Variants in SHANK2 observed in about 807,000 individuals in gnomAD.
The protein encoded by SHANK2 is SH3 and multiple ankyrin repeat domains protein 2.
In SHANK2, 43 loss-of-function variants were observed where a neutral mutation model predicts 133.7. That is an observed-to-expected ratio of 0.32 (90% CI 0.25 to 0.41). The LOEUF (loss-of-function observed/expected upper bound fraction) is 0.41. SHANK2 is among the 10% of genes least tolerant of loss of function. SHANK2 has a pLI of 1.00. For synonymous variants in SHANK2, 1,017 were observed against 952.8 expected (o/e 1.07, Z -1.24); for missense variants, 1,994 against 2,235.8 (o/e 0.89, Z 2.18).
chr11:70,918,311 T>C (rs1424451075), intron 10 of SHANK2, among the ~76,000 whole-genome samples: 2 of 152,152 alleles, frequency 1.3e-5, no homozygotes. Context: ...AAGTCAGACG[T>C]GTACCCTCTC....
At chr11:71,059,468 G>C (rs1395974475) in intron 9 of SHANK2, among the ~76,000 whole-genome samples, 4 of 152,196 alleles carry the variant, frequency 2.6e-5, no homozygotes, top group Non-Finnish European at 5.9e-5. Flanking sequence ...ACTTTAGATG[G>C]GTGAACTGTA....
intron 14 of SHANK2, among the ~76,000 whole-genome samples, chr11:70,763,281 C>T (rs2134992841): frequency 6.6e-6 from 1 of 152,268 alleles, no homozygotes; most frequent in African/African-American, 2.4e-5. Context: ...CAGCCACGTA[C>T]ATAACCATCT....
chr11:70,641,844 C>T (rs1450422592), intron 17 of SHANK2, among the ~76,000 whole-genome samples: 3 of 152,214 alleles, frequency 2.0e-5, no homozygotes, highest in Admixed American at 6.5e-5. Context: ...AAAGCACACC[C>T]GAGATCCCTG....
At chr11:71,184,030 A>AACTC in intron 2 of SHANK2, among the ~76,000 whole-genome samples, 1 of 152,144 alleles carries the variant, frequency 6.6e-6, no homozygotes, top group East Asian at 1.9e-4. Flanking sequence ...GGGGAGCACT[A>AACTC]ACTAGAGCCC....
chr11:71,144,628 C>G (rs1425938479), intron 3 of SHANK2, among the ~76,000 whole-genome samples: 1 of 152,030 alleles, frequency 6.6e-6, no homozygotes, highest in Admixed American at 6.6e-5. Context: ...TAGTTTACCC[C>G]TAAATGATAT....
chr11:71,069,458 C>T (rs1381507837), intron 9 of SHANK2, among the ~76,000 whole-genome samples: 8 of 152,240 alleles, frequency 5.3e-5, no homozygotes, highest in East Asian at 3.9e-4. Flanking sequence ...CCACCACCAT[C>T]GCCAGCCTCA....
intron 17 of SHANK2, among the ~76,000 whole-genome samples, chr11:70,517,581 C>G (rs782741958): frequency 1.3e-5 from 2 of 152,174 alleles, no homozygotes; most frequent in African/African-American, 4.8e-5. Context: ...AGCTTACAAG[C>G]ATGTTGCTAA....
Position 71,168,034 on chromosome 11 carries a change from G to A in SHANK2, c.-12-20696C>T, listed in dbSNP as rs1555111463. Among the ~76,000 whole-genome samples the A allele has an allele frequency of 1.3e-4, 19 of 142,754 alleles. 1 individual carries two copies. Among genetic ancestry groups the A allele is most frequent in the African/African-American group, 2.7e-4 (10 of 37,282 alleles). The allele number at this position is 142,754 out of a possible 152,430, so 93.7% of individuals were successfully genotyped here. ...GGGCTCCTCACTTCTCAGACGGGGCGGCTGCCAGGCGGAGGGGCTCCTCAC... is the reference window on the plus strand; with the variant it reads ...GGGCTCCTCACTTCTCAGACGGGGCAGCTGCCAGGCGGAGGGGCTCCTCAC... On this transcript the variant is annotated intron_variant, in intron 2 of 25. Transcript: ENST00000601538.
At chr11:70,651,232 C>CT (rs782724453) in intron 17 of SHANK2, among the ~76,000 whole-genome samples, 2 of 152,298 alleles carry the variant, frequency 1.3e-5, no homozygotes, top group East Asian at 3.9e-4. Flanking sequence ...GATTCTGAAT[C>CT]TTTTTATAGC....
At chr11:70,491,806 G>A (rs1290671906) in intron 22 of SHANK2, among the ~76,000 whole-genome samples, 2 of 152,220 alleles carry the variant, frequency 1.3e-5, no homozygotes, top group African/African-American at 4.8e-5. Context: ...ACTGCCTAGG[G>A]AAGGTGACCA....
chr11:71,135,564 G>A (rs1165983156), intron 3 of SHANK2, among the ~76,000 whole-genome samples: 15 of 143,734 alleles, frequency 1.0e-4, no homozygotes, highest in African/African-American at 3.7e-4. Context: ...TCAGCTCACT[G>A]CAACCTCCAC....
intron 13 of SHANK2, among the ~76,000 whole-genome samples, chr11:70,798,887 CAT>C (rs1461835474): frequency 6.2e-4 from 94 of 152,302 alleles, no homozygotes; most frequent in African/African-American, 2.2e-3. Context: ...CAGTGTTGCA[CAT>C]GAGACAGGAC....
intron 10 of SHANK2, among the ~76,000 whole-genome samples, chr11:70,912,408 G>GA (rs1950208689): frequency 6.6e-6 from 1 of 152,116 alleles, no homozygotes; most frequent in African/African-American, 2.4e-5. Flanking sequence ...CCGGGGAGAG[G>GA]TAATTGAATC....
chr11:71,154,450 G>C (rs1295741122), intron 2 of SHANK2, among the ~76,000 whole-genome samples: 2 of 152,196 alleles, frequency 1.3e-5, no homozygotes, highest in African/African-American at 4.8e-5. Flanking sequence ...GAGGCCAGCC[G>C]GGCAGAAGAG....
chr11:71,241,944 C>T (rs1388624327), intron 1 of SHANK2, among the ~76,000 whole-genome samples: 4 of 152,168 alleles, frequency 2.6e-5, no homozygotes, highest in Admixed American at 6.5e-5. Context: ...CAACCATGTT[C>T]GCAGTAGCAT....
At chr11:70,775,180 G>C (rs1947335215) in intron 14 of SHANK2, among the ~76,000 whole-genome samples, 1 of 151,994 alleles carries the variant, frequency 6.6e-6, no homozygotes, top group African/African-American at 2.4e-5. Flanking sequence ...AAAATTGGCT[G>C]GGTGTGGTGG....
At chr11:70,917,325 C>A (rs144287863) in intron 10 of SHANK2, among the ~76,000 whole-genome samples, 1 of 152,138 alleles carries the variant, frequency 6.6e-6, no homozygotes, top group Non-Finnish European at 1.5e-5. Context: ...CCATCTCATG[C>A]CAGTCAGAAT....
intron 11 of SHANK2, among the ~76,000 whole-genome samples, chr11:70,852,899 G>C (rs182941572): frequency 6.6e-6 from 1 of 152,338 alleles, no homozygotes; most frequent in East Asian, 1.9e-4. Context: ...CCAAGGTAGA[G>C]GCCAGGGGAG....
intron 11 of SHANK2, chr11:70,895,531 G>C (rs1390371698): frequency 6.6e-6 from 1 of 152,542 alleles, no homozygotes; most frequent in Non-Finnish European, 1.5e-5. Context: ...GAGAGGAGGA[G>C]CCCCAAAGAC....
Sources: allele counts gnomAD v4.1 joint callset (sites outside exome capture counted in the v4.1 genomes callset), GRCh38; gene constraint gnomAD v4.1.1; transcripts MANE v1.5; gene names NCBI Gene and HGNC (gene_info 2026-07-23, HGNC 2026-07-21).